Variants in OTOGL observed in about 807,000 individuals in gnomAD.
OTOGL encodes the protein otogelin like, also known as otogelin-like protein.
A neutral mutation model predicts 318.5 loss-of-function variants in OTOGL; 285 were observed. The observed-to-expected ratio is 0.89, with a 90% CI of 0.81 to 0.99. The LOEUF (loss-of-function observed/expected upper bound fraction) is 0.99. Ranked by LOEUF, OTOGL falls within the 50% of genes least tolerant of loss-of-function variation. The probability of loss-of-function intolerance (pLI) is 0.00; values close to 1 mark genes in which losing one functional copy is unlikely to be tolerated. For synonymous variants in OTOGL, 987 were observed against 936.5 expected, an observed-to-expected ratio of 1.05 and a Z score of -0.99; for missense variants, 2,899 against 2,845.6, an observed-to-expected ratio of 1.02 and a Z score of -0.43.
chr12:80,206,981 T>A (rs1337452756), intron 1 of OTOGL, among the ~76,000 whole-genome samples: 1 of 152,214 alleles, frequency 6.6e-6, no homozygotes, highest in East Asian at 1.9e-4. Context: ...AAACTTGAGA[T>A]GAAAAGTTCA....
At chr12:80,108,833 AT>A (rs1414174092) in intron 1 of OTOGL, among the ~76,000 whole-genome samples, 1 of 114,052 alleles carries the variant, frequency 8.8e-6, no homozygotes, top group East Asian at 2.3e-4. Flanking sequence ...ATGTATATAT[AT>A]TGTATATATA....
intron 35 of OTOGL, among the ~76,000 whole-genome samples, chr12:80,324,390 G>T (rs1277737578): frequency 1.3e-5 from 2 of 152,138 alleles, no homozygotes; most frequent in East Asian, 3.9e-4. Flanking sequence ...TGTGTTCGAG[G>T]ATCAGCAAGG....
intron 18 of OTOGL, among the ~76,000 whole-genome samples, chr12:80,260,003 G>A (rs1882396947): frequency 6.6e-6 from 1 of 151,930 alleles, no homozygotes; most frequent in Non-Finnish European, 1.5e-5. Flanking sequence ...AAAATTTATT[G>A]TTTATCTGTC....
chr12:80,144,109 G>A (rs571715614), intron 1 of OTOGL, among the ~76,000 whole-genome samples: 6 of 151,070 alleles, frequency 4.0e-5, no homozygotes, highest in Admixed American at 1.3e-4. Flanking sequence ...ACATTGTGCA[G>A]GTTAGTTACA....
chr12:80,291,538 T>C (rs1326346723), intron 26 of OTOGL, among the ~76,000 whole-genome samples: 1 of 152,204 alleles, frequency 6.6e-6, no homozygotes, highest in African/African-American at 2.4e-5. Context: ...CTAAAATAAC[T>C]TGGGGTTCCT....
chr12:80,254,591 T>C lies in OTOGL; in HGVS notation c.1441+21T>C, dbSNP rs749545329. ...TCCAGGTAATTTTTTAAAATGTTTT[T>C]ATAGAGAATGTTTCAAATTTCTTTA... On this transcript the variant is annotated intron_variant, in intron 15 of 58. Coordinates refer to ENST00000547103, the MANE Select transcript of OTOGL (RefSeq NM_001378609.3). 10 of 1,589,992 alleles carry C rather than the reference T, an allele frequency of 6.3e-6. No individual in the cohort carries two copies. The South Asian group carries it at 1.0e-4, about 16-fold the overall frequency.
Position 80,335,586 on chromosome 12 carries a change from G to A in OTOGL, c.4423-377G>A, listed in dbSNP as rs144632432. The stretch of plus-strand genomic sequence containing the variant: ...AATAGCATTAAGTTGTGATTTTTAA[G>A]TTGACATTATGACACATGAAGTTAT... On this transcript the variant is annotated intron_variant, in intron 38 of 58. Transcript: ENST00000547103. Among the ~76,000 whole-genome samples the A allele has an allele frequency of 7.0e-4, 107 of 152,076 alleles. 2 individuals are homozygous for A. Among genetic ancestry groups the A allele is most frequent in the Admixed American group, 1.9e-3 (29 of 15,262 alleles).
chr12:80,243,486 A>T (rs1880558575), intron 11 of OTOGL, among the ~76,000 whole-genome samples: 1 of 151,962 alleles, frequency 6.6e-6, no homozygotes, highest in Non-Finnish European at 1.5e-5. Flanking sequence ...AGGATATGAT[A>T]AAAATAAGAA....
intron 35 of OTOGL, among the ~76,000 whole-genome samples, chr12:80,327,971 AAAAAAAAAAAAAAAG>A (rs1887801668): frequency 6.9e-6 from 1 of 145,518 alleles, no homozygotes. Flanking sequence ...AAAAAAAAAA[AAAAAAAAAAAAAAAG>A]AGTGGAAAGC....
chr12:80,343,007 G>T (rs193215346), intron 44 of OTOGL, among the ~76,000 whole-genome samples: 1 of 152,010 alleles, frequency 6.6e-6, no homozygotes, highest in Non-Finnish European at 1.5e-5. Context: ...TCAGCCTCCC[G>T]AGTAGCTGGG....
intron 24 of OTOGL, among the ~76,000 whole-genome samples, chr12:80,276,036 GA>G (rs1883781521): frequency 2.0e-5 from 3 of 151,762 alleles, no homozygotes; most frequent in South Asian, 4.2e-4. Context: ...CAATATCTCT[GA>G]AATACACCTA....
rs1035235028 is a variant in OTOGL, at chr12:80,357,632, G to T, written c.6020-616G>T. On this transcript the variant is annotated intron_variant, in intron 49 of 58. Transcript: ENST00000547103. The stretch of plus-strand genomic sequence containing the variant: ...CAAGCCCTAGGAAGAAGAGAAACCA[G>T]CTGTTCTAGGTAGAAGTCACTAATG... Among the ~76,000 whole-genome samples the T allele has an allele frequency of 4.0e-4, 61 of 152,220 alleles. 1 individual carries two copies. Among genetic ancestry groups the T allele is most frequent in the African/African-American group, 1.5e-3 (61 of 41,536 alleles).
At position 80,296,931 on chromosome 12, in the gene OTOGL, A is replaced by T. The variant is rs1885442144; in HGVS notation, c.3033A>T (p.Glu1011Asp). The T allele has an allele frequency of 6.4e-7, 1 of 1,552,172 alleles. No individual in the cohort carries two copies. The highest frequency in any genetic ancestry group is 1.3e-5 in the African/African-American group (1 of 74,248). The change falls in exon 27 of 59, where the codon GAA (glutamate) becomes GAT (aspartate). Residue 1011 changes from glutamate (E) to aspartate (D), a missense_variant. Physicochemically the swap from Glu to Asp is conservative, Grantham distance 45. This residue lies in a region of OTOGL where 2,607 missense variants were observed against 2,524.9 expected (regional missense o/e 1.03). Coordinates refer to ENST00000547103, the MANE Select transcript of OTOGL (RefSeq NM_001378609.3). The stretch of plus-strand genomic sequence containing the variant: ...TTTTGATTTCAGTTGGGGACACTGA[A>T]ATTTACCTGAATGATACTCCTTACA... ...KSVLISVGDT[E>D]IYLNDTPYKQ...
Position 80,261,891 on chromosome 12 carries a change from T to G in OTOGL, c.1890-78T>G, listed in dbSNP as rs930045377. Reference sequence around the variant, plus strand: ...CCTTGTACATTATGAAAAATAGTATTCTCTTATTTAAATATCTGAAGGTTA... The same window carrying G: ...CCTTGTACATTATGAAAAATAGTATGCTCTTATTTAAATATCTGAAGGTTA... On this transcript the variant is annotated intron_variant, in intron 18 of 58. Coordinates refer to ENST00000547103, the MANE Select transcript of OTOGL (RefSeq NM_001378609.3). 6 of 1,463,172 alleles carry G rather than the reference T, an allele frequency of 4.1e-6. No homozygotes were observed. The African/African-American group carries it at 8.5e-5, about 21-fold the overall frequency. 90.6% of individuals were successfully genotyped at this position (1,463,172 alleles called of 1,614,324 possible).
At chr12:80,338,506 T>C (rs1888548370) in intron 42 of OTOGL, among the ~76,000 whole-genome samples, 1 of 152,058 alleles carries the variant, frequency 6.6e-6, no homozygotes, top group Non-Finnish European at 1.5e-5. Context: ...GTACAATCCT[T>C]GGATTGCCTA....
chr12:80,348,087 C>T (rs930126909), intron 44 of OTOGL, among the ~76,000 whole-genome samples: 23 of 151,922 alleles, frequency 1.5e-4, no homozygotes, highest in Admixed American at 5.9e-4. Context: ...TTCACTCTGA[C>T]GATAGTTTCT....
chr12:80,297,829 T>A (rs1885512201), intron 27 of OTOGL, among the ~76,000 whole-genome samples: 1 of 152,220 alleles, frequency 6.6e-6, no homozygotes, highest in African/African-American at 2.4e-5. Context: ...ATTACTATTA[T>A]CGCTTCTTCC....
At chr12:80,289,014 G>A (rs1308128063) in intron 26 of OTOGL, among the ~76,000 whole-genome samples, 6 of 152,230 alleles carry the variant, frequency 3.9e-5, no homozygotes, top group Middle Eastern at 3.4e-3. Context: ...TTTTTGTGCC[G>A]TTTTTGCTCT....
intron 16 of OTOGL, among the ~76,000 whole-genome samples, chr12:80,255,390 G>A (rs561183854): frequency 2.0e-5 from 3 of 151,930 alleles, no homozygotes; most frequent in Non-Finnish European, 4.4e-5. Context: ...GTTACATGAC[G>A]CATCTTGATC....
Sources: gnomAD v4.1 joint callset for allele counts (sites outside exome capture counted in the v4.1 genomes callset) on GRCh38, gnomAD v4.1.1 for gene constraint, gnomAD v4.1.1 regional missense constraint, MANE v1.5 for transcripts, NCBI Gene and HGNC (gene_info 2026-07-23, HGNC 2026-07-21) for gene names.